The following RBFOX1 variants were observed in gnomAD, a reference collection of about 807,000 sequenced individuals.
The protein encoded by RBFOX1 is RNA binding protein fox-1 homolog 1.
A neutral mutation model predicts 57.7 loss-of-function variants in RBFOX1; 8 were observed. The observed-to-expected ratio is 0.14, with a 90% CI of 0.08 to 0.25. The LOEUF (loss-of-function observed/expected upper bound fraction) is 0.25. RBFOX1 is among the 10% of genes least tolerant of loss of function. The pLI is 1.00. For missense variants in RBFOX1, 611 were observed against 548.5 expected, an observed-to-expected ratio of 1.11 and a Z score of -1.14; for synonymous variants, 326 against 222.4, an observed-to-expected ratio of 1.47 and a Z score of -4.15.
chr16:6,785,125 T>C (rs1163021151), intron 3 of RBFOX1, among the ~76,000 whole-genome samples: 2 of 151,950 alleles, frequency 1.3e-5, no homozygotes, highest in African/African-American at 4.8e-5. Context: ...AAATATTCAT[T>C]ATTAAATATA....
chr16:5,970,107 C>G (rs112860232), intron 4 of RBFOX1, among the ~76,000 whole-genome samples: 17 of 152,288 alleles, frequency 1.1e-4, no homozygotes, highest in African/African-American at 3.8e-4. Flanking sequence ...TTTGTTGAGT[C>G]TGCCGCATGA....
At chr16:7,389,119 C>G (rs1313535951) in intron 4 of RBFOX1, among the ~76,000 whole-genome samples, 1 of 151,936 alleles carries the variant, frequency 6.6e-6, no homozygotes, top group East Asian at 1.9e-4. Context: ...TTCTTTGTTC[C>G]TTTTTATTTT....
intron 2 of RBFOX1, among the ~76,000 whole-genome samples, chr16:5,572,759 A>G (rs2046324336): frequency 6.6e-6 from 1 of 152,222 alleles, no homozygotes; most frequent in Admixed American, 6.5e-5. Flanking sequence ...CAAGACATAA[A>G]GAGGTGAGGG....
At chr16:7,377,761 C>T (rs757620338) in intron 4 of RBFOX1, among the ~76,000 whole-genome samples, 7 of 152,138 alleles carry the variant, frequency 4.6e-5, no homozygotes, top group Non-Finnish European at 7.3e-5. Context: ...GACGTCTAGG[C>T]CCCTGCTGTC....
At chr16:6,315,175 T>C (rs1441192096) in intron 1 of RBFOX1, among the ~76,000 whole-genome samples, 1 of 152,242 alleles carries the variant, frequency 6.6e-6, no homozygotes, top group Non-Finnish European at 1.5e-5. Flanking sequence ...CCCATTTTAA[T>C]GATGAAGAAA....
chr16:5,733,641 T>C (rs2052463800), intron 3 of RBFOX1, among the ~76,000 whole-genome samples: 2 of 152,158 alleles, frequency 1.3e-5, no homozygotes, highest in Admixed American at 1.3e-4. Flanking sequence ...TCTTGTCCAC[T>C]TGCAGAGAGC....
intron 3 of RBFOX1, among the ~76,000 whole-genome samples, chr16:6,933,750 G>C (rs565216976): frequency 7.9e-5 from 12 of 152,284 alleles, no homozygotes; most frequent in African/African-American, 2.9e-4. Context: ...ATTTAAAAGG[G>C]AGTGGGGAAG....
chr16:6,430,003 G>C (rs1734515217), intron 2 of RBFOX1, among the ~76,000 whole-genome samples: 1 of 152,062 alleles, frequency 6.6e-6, no homozygotes, highest in African/African-American at 2.4e-5. Context: ...AGCTACTTGG[G>C]AGGCTGGGGC....
rs1478243368 is a variant in RBFOX1 at position 7,449,394 on chromosome 16, A to G, written c.28-68753A>G. On this transcript the variant is annotated intron_variant, in intron 4 of 15. Transcript: ENST00000550418. Reference sequence around the variant, plus strand: ...TGGGGGAGAATGGCAGTGAAAATAGATGGATGAATTCAGAATGAATAGAAA... The same window carrying G: ...TGGGGGAGAATGGCAGTGAAAATAGGTGGATGAATTCAGAATGAATAGAAA... 2.6e-5 allele frequency among the ~76,000 whole-genome samples: 4 copies of G among 152,130 alleles called. No individual in the cohort carries two copies. In the East Asian group the frequency reaches 5.8e-4, roughly 22 times the overall value.
At chr16:7,014,970 C>T (rs75572012) in intron 3 of RBFOX1, among the ~76,000 whole-genome samples, 3,415 of 152,168 alleles carry the variant, frequency 0.022, 132 homozygotes, top group African/African-American at 0.077. Context: ...GTGATATACC[C>T]GCCTGGACCT....
At chr16:6,924,006 C>T (rs1270473581) in intron 3 of RBFOX1, among the ~76,000 whole-genome samples, 1 of 151,862 alleles carries the variant, frequency 6.6e-6, no homozygotes, top group Admixed American at 6.6e-5. Context: ...CCTGTCTCTA[C>T]TAAAAATACA....
chr16:6,839,137 A>G (rs1429988369), intron 3 of RBFOX1, among the ~76,000 whole-genome samples: 2 of 145,050 alleles, frequency 1.4e-5, no homozygotes, highest in East Asian at 1.9e-4. Context: ...GGCACACACC[A>G]CCACACCCAG....
At chr16:6,062,397 G>C (rs1354843380) in intron 1 of RBFOX1, among the ~76,000 whole-genome samples, 1 of 151,956 alleles carries the variant, frequency 6.6e-6, no homozygotes, top group East Asian at 1.9e-4. Context: ...GGCTATCCAA[G>C]GGTCCCAGCC....
intron 2 of RBFOX1, among the ~76,000 whole-genome samples, chr16:6,624,290 T>C (rs72762951): frequency 0.012 from 1,768 of 152,324 alleles, 21 homozygotes; most frequent in Non-Finnish European, 0.018. Flanking sequence ...AAGTACCTTT[T>C]AATAGTCTGT....
chr16:7,010,983 T>A (rs543448039), intron 3 of RBFOX1, among the ~76,000 whole-genome samples: 1 of 152,326 alleles, frequency 6.6e-6, no homozygotes, highest in African/African-American at 2.4e-5. Flanking sequence ...CTTAGGCTGT[T>A]CTTTCCTGTT....
chr16:7,527,961 G>A (rs147312912), intron 5 of RBFOX1, among the ~76,000 whole-genome samples: 3 of 152,142 alleles, frequency 2.0e-5, no homozygotes, highest in African/African-American at 7.2e-5. Context: ...AGGTAATTTT[G>A]TATTTAATGA....
At chr16:6,277,327 G>A (rs1451842850) in intron 1 of RBFOX1, among the ~76,000 whole-genome samples, 2 of 151,392 alleles carry the variant, frequency 1.3e-5, no homozygotes, top group Non-Finnish European at 2.9e-5. Context: ...CAGGTGTGAT[G>A]GTGTGGTTCT....
intron 3 of RBFOX1, among the ~76,000 whole-genome samples, chr16:5,786,713 G>A (rs2054513359): frequency 6.6e-6 from 1 of 152,100 alleles, no homozygotes; most frequent in African/African-American, 2.4e-5. Context: ...TCACCAGGCT[G>A]GTCATACTCA....
intron 4 of RBFOX1, among the ~76,000 whole-genome samples, chr16:7,469,999 G>A (rs2061270974): frequency 6.7e-6 from 1 of 150,360 alleles, no homozygotes; most frequent in Admixed American, 6.7e-5. Context: ...TGTGTTCAAG[G>A]TGCTACAGCA....
Sources: allele counts gnomAD v4.1 joint callset (sites outside exome capture counted in the v4.1 genomes callset), GRCh38; gene constraint gnomAD v4.1.1; transcripts MANE v1.5; gene names NCBI Gene and HGNC (gene_info 2026-07-23, HGNC 2026-07-21).